The following DNAH7 variants were observed in gnomAD, a reference collection of about 807,000 sequenced individuals.
DNAH7 encodes dynein axonemal heavy chain 7, also known as axonemal beta dynein heavy chain 7.
In DNAH7, 397 loss-of-function variants were observed where a neutral mutation model predicts 444.6. The ratio of observed to expected loss-of-function variants is 0.89; its 90% CI spans 0.82 to 0.97. DNAH7 has a LOEUF of 0.97. Ranked by LOEUF, DNAH7 falls within the 50% of genes least tolerant of loss-of-function variation. The probability of loss-of-function intolerance (pLI) is 0.00; values close to 1 mark genes in which losing one functional copy is unlikely to be tolerated. For missense variants in DNAH7, 4,902 were observed against 4,800.8 expected (o/e 1.02, Z -0.62); for synonymous variants, 1,636 against 1,624.4 (o/e 1.01, Z -0.17).
chr2:196,063,931 A>T (rs555005821), intron 1 of DNAH7: 2 of 152,370 alleles, frequency 1.3e-5, no homozygotes, highest in African/African-American at 4.8e-5. Flanking sequence ...TGCCCCTGAC[A>T]TGAAAGTAGT....
At chr2:195,991,386 T>C (rs1447087584) in intron 12 of DNAH7, among the ~76,000 whole-genome samples, 1 of 152,184 alleles carries the variant, frequency 6.6e-6, no homozygotes, top group African/African-American at 2.4e-5. Context: ...TCTTACTTTC[T>C]TTTTCCTGAA....
At chr2:195,765,748 G>A (rs1161124448) in intron 61 of DNAH7, among the ~76,000 whole-genome samples, 6 of 152,138 alleles carry the variant, frequency 3.9e-5, no homozygotes, top group African/African-American at 1.4e-4. Context: ...TGAGAATGTG[G>A]AGAAAAGGGA....
rs754026261 is a variant in DNAH7 at position 195,900,289 on chromosome 2, T to C, written c.4541A>G (p.Asn1514Ser). Residue 1514 changes from asparagine (N) to serine (S), a missense_variant, in exon 28 of 65, where the codon AAT (asparagine) becomes AGT (serine). Transcript: ENST00000312428. ...AVKSVLTAAGNLKLKYPNENE... is the reference protein window; with the variant it reads ...AVKSVLTAAGSLKLKYPNENE... ...AAATATTGTGTTCTCTACCTTCAGA[T>C]TCCCAGCAGCAGTAAGAACTGACTT... 2.9e-5 allele frequency: 46 copies of C among 1,613,936 alleles called. No individual in the cohort carries two copies. In the East Asian group the frequency reaches 1.0e-3, roughly 36 times the overall value.
intron 46 of DNAH7, among the ~76,000 whole-genome samples, chr2:195,853,030 T>A (rs2125044301): frequency 6.6e-6 from 1 of 152,086 alleles, no homozygotes; most frequent in South Asian, 2.1e-4. Context: ...CATTACTTTT[T>A]AAAAAAAATT....
At chr2:195,828,495 A>G (rs945142500) in intron 48 of DNAH7, among the ~76,000 whole-genome samples, 11 of 151,908 alleles carry the variant, frequency 7.2e-5, no homozygotes, top group African/African-American at 2.7e-4. Flanking sequence ...TGAGGCAGGA[A>G]AACAGCGTGA....
At chr2:196,045,201 AAAG>A (rs1697034106) in intron 5 of DNAH7, among the ~76,000 whole-genome samples, 1 of 142,216 alleles carries the variant, frequency 7.0e-6, no homozygotes, top group Non-Finnish European at 1.5e-5. Flanking sequence ...AGGAGGAGGA[AAAG>A]GAGGAGGAGG....
chr2:195,760,620 A>C (rs1559077714), intron 61 of DNAH7, among the ~76,000 whole-genome samples: 1 of 152,168 alleles, frequency 6.6e-6, no homozygotes, highest in East Asian at 1.9e-4. Context: ...GGAAGAGAAC[A>C]AGACTCTTTC....
At chr2:195,890,856 C>G (rs902418880) in intron 31 of DNAH7, among the ~76,000 whole-genome samples, 1 of 152,118 alleles carries the variant, frequency 6.6e-6, no homozygotes, top group Non-Finnish European at 1.5e-5. Flanking sequence ...TAGACAGCAT[C>G]AAGTTTAGAA....
chr2:196,023,514 A>C (rs1695503815), intron 8 of DNAH7, among the ~76,000 whole-genome samples: 3 of 152,158 alleles, frequency 2.0e-5, no homozygotes, highest in Admixed American at 2.0e-4. Context: ...GCTACCTTCA[A>C]ACATTTCTTC....
chr2:195,931,302 A>T (rs536575501), intron 21 of DNAH7, among the ~76,000 whole-genome samples: 2 of 152,048 alleles, frequency 1.3e-5, no homozygotes, highest in African/African-American at 2.4e-5. Flanking sequence ...GTTTGAGTTC[A>T]TTGTAGATTC....
At chr2:196,026,991 T>C in intron 6 of DNAH7, 51 bp from the exon 7 acceptor site, 1 of 1,398,264 alleles carries the variant, frequency 7.2e-7, no homozygotes, top group Non-Finnish European at 9.6e-7. Flanking sequence ...AGAAGTATGT[T>C]TATCAAAAAT....
At chr2:195,942,556 A>G (rs1265166370) in intron 19 of DNAH7, among the ~76,000 whole-genome samples, 1 of 152,096 alleles carries the variant, frequency 6.6e-6, no homozygotes, top group African/African-American at 2.4e-5. Flanking sequence ...ACAGAGAGGT[A>G]AAAGCGTGGA....
intron 60 of DNAH7, among the ~76,000 whole-genome samples, chr2:195,775,619 T>C (rs1430324209): frequency 2.1e-5 from 3 of 144,706 alleles, no homozygotes; most frequent in South Asian, 2.2e-4. Flanking sequence ...ACTTAAAGAA[T>C]ATATCTGGGT....
chr2:195,820,534 AATC>A (rs371932979), intron 49 of DNAH7, among the ~76,000 whole-genome samples: 5 of 152,200 alleles, frequency 3.3e-5, no homozygotes, highest in African/African-American at 1.2e-4. Context: ...AACTACCACA[AATC>A]ATCAGAGGTG....
chr2:195,877,533 A>G, intron 36 of DNAH7, among the ~76,000 whole-genome samples: 1 of 152,228 alleles, frequency 6.6e-6, no homozygotes, highest in East Asian at 1.9e-4. Context: ...TCCTCCTTTC[A>G]TGATGTGATT....
intron 57 of DNAH7, among the ~76,000 whole-genome samples, 155 bp from the exon 58 acceptor site, chr2:195,787,326 C>T (rs554796656): frequency 1.1e-4 from 16 of 152,216 alleles, no homozygotes; most frequent in African/African-American, 3.6e-4. Flanking sequence ...AAGTATGTTT[C>T]TACAGCTTTT....
intron 58 of DNAH7, among the ~76,000 whole-genome samples, chr2:195,781,179 C>T (rs929798073): frequency 2.0e-5 from 3 of 152,106 alleles, no homozygotes; most frequent in Non-Finnish European, 2.9e-5. Context: ...CCTGGGCTTG[C>T]GCTGTTGACA....
At chr2:195,908,445 G>A (rs1009678826) in intron 25 of DNAH7, among the ~76,000 whole-genome samples, 9 of 151,580 alleles carry the variant, frequency 5.9e-5, no homozygotes, top group South Asian at 2.1e-4. Flanking sequence ...TCCCACCTTC[G>A]CGCCCTTCCA....
intron 61 of DNAH7, among the ~76,000 whole-genome samples, chr2:195,764,505 A>G (rs1694483311): frequency 6.6e-6 from 1 of 152,124 alleles, no homozygotes; most frequent in African/African-American, 2.4e-5. Flanking sequence ...GACTCCACCA[A>G]AAATACTGTT....
Sources: allele counts gnomAD v4.1 joint callset (sites outside exome capture counted in the v4.1 genomes callset), GRCh38; gene constraint gnomAD v4.1.1; transcripts MANE v1.5; gene names NCBI Gene and HGNC (gene_info 2026-07-23, HGNC 2026-07-21).